Variants in INO80 observed in about 807,000 individuals in gnomAD.
The protein encoded by INO80 is INO80 complex ATPase subunit.
A neutral mutation model predicts 203.4 loss-of-function variants in INO80; 20 were observed. The ratio of observed to expected loss-of-function variants is 0.10; its 90% confidence interval spans 0.07 to 0.14. The LOEUF (loss-of-function observed/expected upper bound fraction) is 0.14. Among genes scored for constraint, INO80 ranks in the 10% least tolerant of loss-of-function variants. INO80 has a pLI of 1.00. For missense variants in INO80, 1,419 were observed against 1,914.4 expected (o/e 0.74, Z 4.83); for synonymous variants, 726 against 685.2 (o/e 1.06, Z -0.93).
chr15:41,071,448 CTTT>C (rs747609865), intron 12 of INO80, among the ~76,000 whole-genome samples: 106 of 87,024 alleles, frequency 1.2e-3, no homozygotes, highest in African/African-American at 5.1e-3. Flanking sequence ...TACTCATTTC[CTTT>C]TTTTTTTTTT....
chr15:41,087,427 TAGAA>T, intron 6 of INO80, 131 bp downstream of exon 6: 1 of 953,548 alleles, frequency 1.0e-6, no homozygotes, highest in Non-Finnish European at 1.6e-6. Flanking sequence ...TGCTACTAAT[TAGAA>T]AGGAGAGTTT....
chr15:41,094,230 C>T (rs1414279309), intron 4 of INO80, among the ~76,000 whole-genome samples: 1 of 152,204 alleles, frequency 6.6e-6, no homozygotes, highest in Non-Finnish European at 1.5e-5. Context: ...ACACGAACTC[C>T]TTAACATAGA....
intron 14 of INO80, among the ~76,000 whole-genome samples, chr15:41,064,629 A>G (rs2045176493): frequency 6.6e-6 from 1 of 152,224 alleles, no homozygotes; most frequent in Admixed American, 6.5e-5. Context: ...TCAGAAAGCA[A>G]TGAGTATCCT....
At chr15:41,099,860 T>C (rs755959622) in intron 1 of INO80, among the ~76,000 whole-genome samples, 2 of 151,826 alleles carry the variant, frequency 1.3e-5, no homozygotes, top group East Asian at 1.9e-4. Context: ...TTCAAAGAAA[T>C]TGGTTTTTAA....
In INO80 at chr15:40,983,821, TGA is replaced by T; in HGVS notation, c.4176_4177del (p.Gln1393ValfsTer91). ...TGCGGGAGAGTTGGTAGCTCGAGAC[TGA>T]GGGGCTGAGGAGGCTGGGTCATCCA... On this transcript the variant is annotated frameshift_variant, in exon 34 of 36. Transcript: ENST00000648947. LOFTEE classifies it high-confidence loss of function. 6.2e-7 allele frequency: 1 copy of T among 1,612,886 alleles called. No homozygotes were observed. The highest frequency in any genetic ancestry group is 8.5e-7 in the Non-Finnish European group (1 of 1,180,014).
intron 27 of INO80, chr15:41,012,903 G>A (rs2140452446): frequency 6.6e-6 from 1 of 152,262 alleles, no homozygotes; most frequent in South Asian, 2.1e-4. Flanking sequence ...TTTTACCCAA[G>A]GGAAAAAGGA....
At chr15:41,099,988 C>T (rs760732617) in intron 1 of INO80, among the ~76,000 whole-genome samples, 1 of 152,102 alleles carries the variant, frequency 6.6e-6, no homozygotes, top group Admixed American at 6.6e-5. Context: ...TTAATCCATG[C>T]TCTAGTTATT....
chr15:41,110,612 G>A lies in INO80; in HGVS notation c.-44+5361C>T, dbSNP rs775212724. Among the ~76,000 whole-genome samples the A allele has an allele frequency of 7.9e-5, 12 of 152,042 alleles. No homozygotes were observed. In the South Asian group the frequency reaches 1.0e-3, roughly 13 times the overall value. On this transcript the variant is annotated intron_variant, in intron 1 of 35. Coordinates refer to ENST00000648947, the MANE Select transcript of INO80 (RefSeq NM_017553.3). The stretch of plus-strand genomic sequence containing the variant: ...CACCACCACACCCGGCTAATTTTTT[G>A]TAGAGATGGGGTTTTGGCATATTGC...
chr15:41,072,467 TC>T (rs1314211876), intron 11 of INO80, among the ~76,000 whole-genome samples: 3 of 151,742 alleles, frequency 2.0e-5, no homozygotes, highest in African/African-American at 7.3e-5. Flanking sequence ...ACGCCTGTAA[TC>T]CCAGCACTTT....
intron 6 of INO80, among the ~76,000 whole-genome samples, chr15:41,086,760 C>T (rs887581477): frequency 4.6e-5 from 7 of 152,092 alleles, no homozygotes; most frequent in African/African-American, 1.7e-4. Flanking sequence ...CTGCTGAGAG[C>T]TCAGTAAGAG....
chr15:41,084,442 C>T (rs1163709222), intron 7 of INO80, among the ~76,000 whole-genome samples: 2 of 151,956 alleles, frequency 1.3e-5, no homozygotes, highest in Non-Finnish European at 2.9e-5. Flanking sequence ...GCCTGTAGCC[C>T]CAGGTACTTG....
At chr15:41,110,769 G>C (rs1566953584) in intron 1 of INO80, among the ~76,000 whole-genome samples, 1 of 152,058 alleles carries the variant, frequency 6.6e-6, no homozygotes, top group Admixed American at 6.6e-5. Flanking sequence ...TTAAGTAAAT[G>C]ATATCACTGT....
At position 41,091,349 on chromosome 15, in the gene INO80, C is replaced by A. The variant is rs149314719; in HGVS notation, c.537+678G>T. Among the ~76,000 whole-genome samples, 409 of 152,228 alleles carry A rather than the reference C, an allele frequency of 2.7e-3. 3 individuals are homozygous for A. The highest frequency in any genetic ancestry group is 0.013 in the South Asian group (62 of 4,824). ...TGCTGGGATTACAGGCGTGAGCCAC[C>A]GCACCCAGTCAGGAATTTTCTCTTT... On this transcript the variant is annotated intron_variant, in intron 5 of 35. Coordinates refer to ENST00000648947, the MANE Select transcript of INO80 (RefSeq NM_017553.3).
chr15:41,097,475 A>G (rs1197630743), intron 1 of INO80, among the ~76,000 whole-genome samples: 2 of 152,296 alleles, frequency 1.3e-5, no homozygotes, highest in East Asian at 3.9e-4. Flanking sequence ...ATAAATACTC[A>G]ATAAACCATA....
At chr15:40,988,048 G>A in intron 29 of INO80, 74 bp from the exon 30 acceptor site, 2 of 1,335,650 alleles carry the variant, frequency 1.5e-6, no homozygotes, top group South Asian at 1.4e-5. Context: ...CCAGCCAATT[G>A]TCTGTTTGCG....
intron 8 of INO80, among the ~76,000 whole-genome samples, chr15:41,080,156 GGAC>G (rs2045464812): frequency 6.6e-6 from 1 of 152,082 alleles, no homozygotes; most frequent in Non-Finnish European, 1.5e-5. Context: ...TGATGAAGAA[GGAC>G]CTGGGATGTG....
chr15:41,001,357 C>T (rs978183268), intron 28 of INO80, among the ~76,000 whole-genome samples: 4 of 120,100 alleles, frequency 3.3e-5, no homozygotes, highest in African/African-American at 1.3e-4. Context: ...TTTAATAACC[C>T]ACTGAGGTGA....
rs183001086 is a variant in INO80, at chr15:41,091,768, C to T, written c.537+259G>A. Among the ~76,000 whole-genome samples the T allele has an allele frequency of 2.5e-3, 379 of 151,032 alleles. 1 individual carries two copies. Among genetic ancestry groups the T allele is most frequent in the Middle Eastern group, 0.01 (3 of 292 alleles). ...CTCTGGGTTCGAGCAATTCTCCTGC[C>T]TCAGCCTCCTGAGTAGCTGGGACTA... On this transcript the variant is annotated intron_variant, in intron 5 of 35. Transcript: ENST00000648947.
chr15:41,095,072 C>T (rs768149122), intron 4 of INO80, among the ~76,000 whole-genome samples: 1 of 151,488 alleles, frequency 6.6e-6, no homozygotes, highest in Non-Finnish European at 1.5e-5. Context: ...GGTGCGGTGG[C>T]TCACGCCTAT....
Sources: gnomAD v4.1 joint callset for allele counts (sites outside exome capture counted in the v4.1 genomes callset) on GRCh38, gnomAD v4.1.1 for gene constraint, MANE v1.5 for transcripts, NCBI Gene and HGNC (gene_info 2026-07-23, HGNC 2026-07-21) for gene names.